Variants in ADAMTS19 observed in about 807,000 individuals in gnomAD.
ADAMTS19 encodes the protein ADAM metallopeptidase with thrombospondin type 1 motif 19.
ADAMTS19 carries 93 observed loss-of-function variants against 153.3 expected under a neutral mutation model. The observed-to-expected ratio is 0.61, with a 90% confidence interval of 0.51 to 0.72. ADAMTS19 has a LOEUF of 0.72. Ranked by LOEUF, ADAMTS19 falls within the 30% of genes least tolerant of loss-of-function variation. The probability of loss-of-function intolerance (pLI) is 0.00; values close to 1 mark genes in which losing one functional copy is unlikely to be tolerated. For missense variants in ADAMTS19, 1,482 were observed against 1,552.1 expected, an observed-to-expected ratio of 0.95 and a Z score of 0.76; for synonymous variants, 600 against 556.6, an observed-to-expected ratio of 1.08 and a Z score of -1.10.
At chr5:129,707,683 G>T (rs548580785) in intron 21 of ADAMTS19, among the ~76,000 whole-genome samples, 16 of 152,284 alleles carry the variant, frequency 1.1e-4, no homozygotes, top group South Asian at 6.2e-4. Flanking sequence ...CTTGAAACAG[G>T]AATAGCAACA....
At chr5:129,509,311 T>G in intron 3 of ADAMTS19, 69 bp downstream of exon 3, 1 of 1,389,752 alleles carries the variant, frequency 7.2e-7, no homozygotes, top group Non-Finnish European at 9.8e-7. Context: ...AAAAAAACTC[T>G]CTCGTCTATT....
intron 18 of ADAMTS19, among the ~76,000 whole-genome samples, chr5:129,691,909 GA>G (rs1755356028): frequency 2.6e-5 from 4 of 152,138 alleles, no homozygotes; most frequent in South Asian, 2.1e-4. Flanking sequence ...TGAGGATGGG[GA>G]AAAAAGCATT....
chr5:129,640,880 A>C (rs3853510), intron 10 of ADAMTS19, among the ~76,000 whole-genome samples: 14,903 of 151,968 alleles, frequency 0.098, 748 homozygotes, highest in South Asian at 0.15. Flanking sequence ...GCTGGAGTAC[A>C]GTGGCACGGT....
At chr5:129,475,449 C>G (rs1421431785) in intron 2 of ADAMTS19, among the ~76,000 whole-genome samples, 2 of 152,164 alleles carry the variant, frequency 1.3e-5, no homozygotes, top group Non-Finnish European at 2.9e-5. Context: ...ATCTTCGTGT[C>G]AATACCATAC....
At chr5:129,549,208 T>C (rs2126816186) in intron 6 of ADAMTS19, among the ~76,000 whole-genome samples, 1 of 145,226 alleles carries the variant, frequency 6.9e-6, no homozygotes, top group Admixed American at 6.8e-5. Context: ...ATAAATAAAA[T>C]AAAAAAAGAA....
At chr5:129,519,405 T>C (rs73246869) in intron 3 of ADAMTS19, among the ~76,000 whole-genome samples, 7,644 of 151,466 alleles carry the variant, frequency 0.05, 260 homozygotes, top group African/African-American at 0.093. Context: ...AAGGAAGGAG[T>C]CTCTTTGGAG....
intron 21 of ADAMTS19, among the ~76,000 whole-genome samples, chr5:129,724,296 T>G (rs1179416873): frequency 6.6e-6 from 1 of 152,226 alleles, no homozygotes; most frequent in African/African-American, 2.4e-5. Context: ...ATCTGTCATA[T>G]TCTTATTGCT....
chr5:129,480,771 A>C (rs1436469787), intron 2 of ADAMTS19, among the ~76,000 whole-genome samples: 2 of 152,208 alleles, frequency 1.3e-5, no homozygotes, highest in Non-Finnish European at 2.9e-5. Flanking sequence ...ATTGTCCTAC[A>C]GTAGAGTACT....
Position 129,551,860 on chromosome 5 carries a change from C to T in ADAMTS19, c.1329-4C>T. On this transcript the variant is annotated splice_region_variant and splice_polypyrimidine_tract_variant and intron_variant, in intron 6 of 22. Transcript: ENST00000274487. ...TTATTTCAGTTTTCTATTTTTCTTT[C>T]TAGGAAAGATTTCTGTGTGCACAAA... 6.4e-7 allele frequency: 1 copy of T among 1,563,024 alleles called. No homozygotes were observed. Among genetic ancestry groups the T allele is most frequent in the Non-Finnish European group, 8.7e-7 (1 of 1,153,768 alleles).
At chr5:129,548,424 A>T (rs1310812859) in intron 6 of ADAMTS19, among the ~76,000 whole-genome samples, 2 of 152,012 alleles carry the variant, frequency 1.3e-5, no homozygotes, top group South Asian at 2.1e-4. Flanking sequence ...ACACATGAAA[A>T]ATGCTCATCA....
At chr5:129,578,077 C>T (rs868052684) in intron 7 of ADAMTS19, among the ~76,000 whole-genome samples, 6 of 107,934 alleles carry the variant, frequency 5.6e-5, no homozygotes, top group African/African-American at 1.7e-4. Flanking sequence ...CACACACACA[C>T]ACATATATAC....
In ADAMTS19 at chr5:129,538,847, T is replaced by G. The variant is rs562590969; in HGVS notation, c.1328+10170T>G. On this transcript the variant is annotated intron_variant, in intron 6 of 22. Transcript: ENST00000274487. ...AATGCATATTCTCATGGCAAAAGTT[T>G]AAGTATAACTTTTAAATATATTGTC... Among the ~76,000 whole-genome samples, 3 of 152,266 alleles carry G rather than the reference T, an allele frequency of 2.0e-5. No homozygotes were observed. In the South Asian group the frequency reaches 6.2e-4, roughly 32 times the overall value.
chr5:129,724,185 T>C (rs1757115211), intron 21 of ADAMTS19, among the ~76,000 whole-genome samples: 2 of 152,230 alleles, frequency 1.3e-5, no homozygotes, highest in African/African-American at 4.8e-5. Context: ...CTTTACAGAA[T>C]GTAGATTTTT....
chr5:129,508,880 T>C (rs1322817187), intron 2 of ADAMTS19, among the ~76,000 whole-genome samples, 197 bp from the exon 3 acceptor site: 4 of 152,032 alleles, frequency 2.6e-5, no homozygotes, highest in African/African-American at 9.7e-5. Context: ...ATGAAGTTTA[T>C]GTTAGTGCAA....
intron 2 of ADAMTS19, among the ~76,000 whole-genome samples, chr5:129,465,697 G>A (rs988739222): frequency 6.6e-6 from 1 of 152,104 alleles, no homozygotes. Flanking sequence ...AATGGGTAAA[G>A]AGAAATAAAC....
Position 129,461,314 on chromosome 5 carries a change from G to T in ADAMTS19, c.304G>T (p.Glu102Ter). ...TCCGGTGCCTTTGGAGGAGCCCGTG[G>T]AGGGCCGATCAGAGTCCCGGCTCCG... ...VAPVPLEEPV[E>*]GRSESRLRPP... The change falls in exon 2 of 23, where the codon GAG (glutamate) becomes TAG (stop). Residue 102 changes from glutamate (E) to a stop codon, truncating the protein, a stop_gained. Transcript: ENST00000274487. LOFTEE classifies it high-confidence loss of function. The surrounding 1 kb of genome is among the most constrained non-coding windows in gnomAD (Gnocchi z 4.6). 2 of 1,323,188 alleles carry T rather than the reference G, an allele frequency of 1.5e-6. No individual in the cohort carries two copies. The highest frequency in any genetic ancestry group is 1.9e-6 in the Non-Finnish European group (2 of 1,044,872). The allele number at this position is 1,323,188 out of a possible 1,614,324, so 82.0% of individuals were successfully genotyped here. A position where few individuals can be genotyped will look rare whatever the true frequency, so the allele number is the denominator to read the frequency against.
intron 7 of ADAMTS19, among the ~76,000 whole-genome samples, chr5:129,592,546 TTTACATTAGTCGTGG>T (rs1333913598): frequency 6.6e-6 from 1 of 152,142 alleles, no homozygotes; most frequent in Non-Finnish European, 1.5e-5. Flanking sequence ...ATTCAAATCA[TTTACATTAGTCGTGG>T]TTACAGTCAT....
chr5:129,709,856 C>T (rs909693748), intron 21 of ADAMTS19, among the ~76,000 whole-genome samples: 1 of 152,050 alleles, frequency 6.6e-6, no homozygotes, highest in East Asian at 1.9e-4. Flanking sequence ...TTTTCTCTTA[C>T]TTTTTGTTAT....
chr5:129,717,650 T>C (rs34247495), intron 21 of ADAMTS19, among the ~76,000 whole-genome samples: 20 of 152,348 alleles, frequency 1.3e-4, no homozygotes, highest in African/African-American at 4.8e-4. Context: ...TTGGCTGGAA[T>C]ACCCACCATC....
Sources: allele counts gnomAD v4.1 joint callset (sites outside exome capture counted in the v4.1 genomes callset), GRCh38; gene constraint gnomAD v4.1.1; non-coding constraint Gnocchi (gnomAD v3.1); transcripts MANE v1.5; gene names NCBI Gene and HGNC (gene_info 2026-07-23, HGNC 2026-07-21).